Variants in PLSCR5 observed in about 807,000 individuals in gnomAD.
PLSCR5 encodes phospholipid scramblase family member 5, also known as phospholipid scramblase family, member 5.
In PLSCR5, 44 loss-of-function variants were observed where a neutral mutation model predicts 33.6. The observed-to-expected ratio is 1.31, with a 90% CI of 1.03 to 1.69. The LOEUF is 1.69. Among genes scored for constraint, PLSCR5 ranks in the 40% most tolerant of loss-of-function variants. PLSCR5 has a pLI of 0.00. For synonymous variants in PLSCR5, 148 were observed against 112.3 expected (o/e 1.32, Z -2.01); for missense variants, 375 against 318.7 (o/e 1.18, Z -1.34).
In PLSCR5 at chr3:146,589,521, C is replaced by G. The variant is rs1439089433; in HGVS notation, c.777+132G>C. On this transcript the variant is annotated intron_variant, in intron 6 of 7. Coordinates refer to ENST00000443512, the MANE Select transcript of PLSCR5 (RefSeq NM_001085420.2). ...ATTCTAATTTTTGAAGAACATTGGTCCTAAGCTATCCTTCTATGAATAAAA... is the reference window on the plus strand; with the variant it reads ...ATTCTAATTTTTGAAGAACATTGGTGCTAAGCTATCCTTCTATGAATAAAA... 4 of 895,508 alleles carry G rather than the reference C, an allele frequency of 4.5e-6. No homozygotes were observed. The East Asian group carries it at 9.1e-5, about 20-fold the overall frequency. The allele number at this position is 895,508 out of a possible 1,614,324, so 55.5% of individuals were successfully genotyped here.
intron 7 of PLSCR5, among the ~76,000 whole-genome samples, chr3:146,580,211 T>C (rs1677210780): frequency 6.6e-6 from 1 of 152,188 alleles, no homozygotes. Context: ...TGACAAAAAT[T>C]GGAATGAACT....
intron 4 of PLSCR5, 28 bp from the exon 5 acceptor site, chr3:146,591,909 G>T: frequency 1.3e-6 from 2 of 1,520,574 alleles, no homozygotes; most frequent in East Asian, 2.4e-5. Flanking sequence ...GATAAAATAA[G>T]ATTTTCTTAG....
intron 5 of PLSCR5, among the ~76,000 whole-genome samples, chr3:146,591,390 A>G (rs1374619596): frequency 6.6e-6 from 1 of 152,082 alleles, no homozygotes; most frequent in Non-Finnish European, 1.5e-5. Flanking sequence ...CATAGAACAC[A>G]TAGAATTATA....
At chr3:146,603,978 G>T (rs1322978615) in intron 1 of PLSCR5, among the ~76,000 whole-genome samples, 1 of 152,006 alleles carries the variant, frequency 6.6e-6, no homozygotes, top group Non-Finnish European at 1.5e-5. Context: ...ATTAAAGATT[G>T]ATAAAAAATG....
chr3:146,591,955 A>G, intron 4 of PLSCR5, 74 bp from the exon 5 acceptor site: 1 of 1,257,012 alleles, frequency 8.0e-7, no homozygotes. Flanking sequence ...ATGTCAATTT[A>G]CCTGTAAACA....
At chr3:146,578,919 G>A (rs1247925575) in intron 7 of PLSCR5, among the ~76,000 whole-genome samples, 1 of 151,834 alleles carries the variant, frequency 6.6e-6, no homozygotes, top group Non-Finnish European at 1.5e-5. Flanking sequence ...ATAAAATAGA[G>A]GCTCAGCCAG....
chr3:146,580,107 T>G (rs540468925), intron 7 of PLSCR5, among the ~76,000 whole-genome samples: 7 of 152,334 alleles, frequency 4.6e-5, no homozygotes, highest in African/African-American at 1.7e-4. Flanking sequence ...TTCCTTTTTT[T>G]GTGCCTTTGT....
chr3:146,592,012 T>C (rs1187724726), intron 4 of PLSCR5, 131 bp from the exon 5 acceptor site: 2 of 803,236 alleles, frequency 2.5e-6, no homozygotes, highest in East Asian at 2.8e-5. Context: ...TCATTCTAAA[T>C]ACCTGCTTCT....
intron 6 of PLSCR5, 97 bp downstream of exon 6, chr3:146,589,556 T>C (rs2044693106): frequency 1.7e-6 from 2 of 1,162,698 alleles, no homozygotes; most frequent in African/African-American, 1.6e-5. Flanking sequence ...ATATACTCTT[T>C]GGGGGTAAAA....
chr3:146,584,015 T>G (rs1247379053), downstream of PLSCR5, among the ~76,000 whole-genome samples: 1 of 152,054 alleles, frequency 6.6e-6, no homozygotes, highest in Non-Finnish European at 1.5e-5. Context: ...AATTGGGACA[T>G]GAAGCAGGAG....
chr3:146,601,157 A>G (rs1421982596), intron 1 of PLSCR5, among the ~76,000 whole-genome samples: 1 of 151,710 alleles, frequency 6.6e-6, no homozygotes, highest in African/African-American at 2.4e-5. Flanking sequence ...TGCCAGGTAA[A>G]TATGTTACCA....
chr3:146,584,715 A>C (rs1398579677), downstream of PLSCR5, among the ~76,000 whole-genome samples: 1 of 152,232 alleles, frequency 6.6e-6, no homozygotes, highest in Non-Finnish European at 1.5e-5. Flanking sequence ...TTTCATTTTT[A>C]TGTTATACAG....
intron 1 of PLSCR5, 60 bp from the exon 2 acceptor site, chr3:146,600,523 C>T: frequency 7.2e-7 from 1 of 1,393,014 alleles, no homozygotes; most frequent in Non-Finnish European, 9.5e-7. Flanking sequence ...TTTAGTCCTT[C>T]TTAAAGTATT....
chr3:146,605,164 A>T (rs768180245), intron 1 of PLSCR5, 36 bp downstream of exon 1: 3 of 1,585,584 alleles, frequency 1.9e-6, no homozygotes, highest in Non-Finnish European at 2.6e-6. Context: ...GTCTTAATAT[A>T]AGAAAAAGTT....
chr3:146,602,519 A>G (rs559337995), intron 1 of PLSCR5, among the ~76,000 whole-genome samples: 2 of 152,164 alleles, frequency 1.3e-5, no homozygotes, highest in East Asian at 3.9e-4. Flanking sequence ...AGAAATGTCT[A>G]TATCTTGATC....
intron 2 of PLSCR5, among the ~76,000 whole-genome samples, chr3:146,599,192 T>G (rs538966317): frequency 2.7e-4 from 41 of 152,288 alleles, no homozygotes; most frequent in African/African-American, 9.6e-4. Flanking sequence ...GATAGTGATA[T>G]TTTGATTGAT....
downstream of PLSCR5, among the ~76,000 whole-genome samples, chr3:146,584,905 C>T (rs575240478): frequency 7.9e-5 from 12 of 152,086 alleles, no homozygotes; most frequent in Admixed American, 1.3e-4. Context: ...AGTGAAGAAT[C>T]GCCTGGAATT....
chr3:146,586,155 C>T (rs2044664596), intron 6 of PLSCR5, 43 bp from the exon 7 acceptor site: 1 of 1,414,344 alleles, frequency 7.1e-7, no homozygotes, highest in Non-Finnish European at 9.3e-7. Context: ...TACAAAAAGA[C>T]AACAATTAAG....
chr3:146,600,763 C>T lies in PLSCR5; in HGVS notation c.14-300G>A, dbSNP rs569818593. On this transcript the variant is annotated intron_variant, in intron 1 of 7. Transcript: ENST00000443512. ...GTATCTGTATATATATAATTACTTGCATATATATACTTACTGCATATATAT... is the reference window on the plus strand; with the variant it reads ...GTATCTGTATATATATAATTACTTGTATATATATACTTACTGCATATATAT... Among the ~76,000 whole-genome samples, 4 of 149,404 alleles carry T rather than the reference C, an allele frequency of 2.7e-5. No individual in the cohort carries two copies. In the South Asian group the frequency reaches 8.4e-4, roughly 31 times the overall value.
Sources: allele counts gnomAD v4.1 joint callset (sites outside exome capture counted in the v4.1 genomes callset), GRCh38; gene constraint gnomAD v4.1.1; transcripts MANE v1.5; gene names NCBI Gene and HGNC (gene_info 2026-07-23, HGNC 2026-07-21).